Variants in PATL2 observed in about 807,000 individuals in gnomAD.
The protein encoded by PATL2 is protein PAT1 homolog 2.
PATL2 carries 73 observed loss-of-function variants against 77.0 expected under a neutral mutation model. The observed-to-expected ratio is 0.95, with a 90% confidence interval of 0.78 to 1.15. The LOEUF (loss-of-function observed/expected upper bound fraction) is 1.15, where lower values mean the gene tolerates loss of function less well. Among genes scored for constraint, PATL2 ranks in the 50% most tolerant of loss-of-function variants. PATL2 has a pLI of 0.00. For synonymous variants in PATL2, 265 were observed against 257.1 expected, an observed-to-expected ratio of 1.03 and a Z score of -0.29; for missense variants, 618 against 655.4, an observed-to-expected ratio of 0.94 and a Z score of 0.62.
intron 4 of PATL2, chr15:44,676,132 C>T: frequency 2.5e-6 from 1 of 397,340 alleles, no homozygotes; most frequent in South Asian, 2.6e-5. Flanking sequence ...TCCATCTGCT[C>T]TGCCCCACCC....
rs2085524963 is a variant in PATL2 at position 44,669,022 on chromosome 15, G to A, written c.1182C>T (p.Thr394=). The change falls in exon 14 of 18, where the codon ACC becomes ACT. Residue 394 remains threonine (T), a synonymous_variant. Transcript: ENST00000682850. ...TCCGGACCAGGAGGGGCAGATGGTG[G>A]GTGATAGCCAAAAGAATGGTAACAG... is the stretch of plus-strand genomic sequence containing the variant. ...DQAVTILLAI[T]HHLPLLVRRD... The A allele has an allele frequency of 1.3e-6, 2 of 1,551,004 alleles. No homozygotes were observed. Among genetic ancestry groups the A allele is most frequent in the African/African-American group, 2.7e-5 (2 of 73,152 alleles).
At chr15:44,683,641 G>T (rs927248709) in intron 3 of PATL2, among the ~76,000 whole-genome samples, 10 of 152,202 alleles carry the variant, frequency 6.6e-5, no homozygotes, top group Admixed American at 5.9e-4. Flanking sequence ...CAGAGCACCT[G>T]GTAGAAGGGG....
chr15:44,671,949 C>A, intron 9 of PATL2, 66 bp downstream of exon 9: 2 of 1,521,364 alleles, frequency 1.3e-6, no homozygotes, highest in Non-Finnish European at 1.8e-6. Context: ...AGGATCAGAG[C>A]GGGCCCGGGA....
intron 3 of PATL2, 95 bp from the exon 4 acceptor site, chr15:44,676,660 T>C: frequency 7.7e-7 from 1 of 1,295,560 alleles, no homozygotes; most frequent in South Asian, 1.4e-5. Flanking sequence ...GCAAGATGGT[T>C]AGAGAATTCT....
chr15:44,676,404 T>C (rs2085956272), intron 4 of PATL2, 71 bp downstream of exon 4: 2 of 1,312,122 alleles, frequency 1.5e-6, no homozygotes, highest in South Asian at 1.3e-5. Flanking sequence ...TCCAATCCCA[T>C]ATGTGAAACA....
At chr15:44,679,782 C>A (rs1366859255) in intron 3 of PATL2, among the ~76,000 whole-genome samples, 1 of 152,092 alleles carries the variant, frequency 6.6e-6, no homozygotes, top group Non-Finnish European at 1.5e-5. Context: ...TTTTAAAGAA[C>A]CATGTATGTC....
chr15:44,707,246 C>A (rs554404007), intron 3 of PATL2, among the ~76,000 whole-genome samples: 12 of 152,090 alleles, frequency 7.9e-5, no homozygotes, highest in Middle Eastern at 3.4e-3. Context: ...GTATTCTAAC[C>A]CCACAGTGGC....
chr15:44,702,934 GAGA>G (rs1202843826), intron 3 of PATL2, among the ~76,000 whole-genome samples: 5 of 152,040 alleles, frequency 3.3e-5, no homozygotes, highest in African/African-American at 1.2e-4. Context: ...ATGTGCTGAG[GAGA>G]AGAATGGGTA....
intron 9 of PATL2, 87 bp from the exon 10 acceptor site, chr15:44,670,174 T>A: frequency 6.8e-7 from 1 of 1,471,126 alleles, no homozygotes; most frequent in Non-Finnish European, 9.1e-7. Flanking sequence ...AAGTGCAGCC[T>A]CTTAAGTTTA....
rs1242220635 is a variant in PATL2 at position 44,685,004 on chromosome 15, A to G, written c.-75-8439T>C. Among the ~76,000 whole-genome samples the G allele has an allele frequency of 3.9e-5, 6 of 152,360 alleles. No individual in the cohort carries two copies. In the South Asian group the frequency reaches 6.2e-4, roughly 16 times the overall value. ...TTCATATCCAGCCAAACTAAGCTTC[A>G]TAAGTGAAGGAGAAATAAAATCCTT... On this transcript the variant is annotated intron_variant, in intron 3 of 17. Transcript: ENST00000682850.
rs1305561412 is a variant in PATL2 at position 44,675,524 on chromosome 15, C to G, written c.184G>C (p.Gly62Arg). The G allele has an allele frequency of 6.4e-7, 1 of 1,551,816 alleles. No individual in the cohort carries two copies. Among genetic ancestry groups the G allele is most frequent in the Admixed American group, 2.0e-5 (1 of 50,982 alleles). Reference protein sequence around the residue: ...PDLEEEENDLGDPAVLGAVHN... With the variant: ...PDLEEEENDLRDPAVLGAVHN... ...ACAGCACCAAGTACAGCTGGATCCC[C>G]AAGATCATTCTCTTCCTCCTCTAGG... is the stretch of plus-strand genomic sequence containing the variant. The change falls in exon 5 of 18, where the codon GGG becomes CGG. Residue 62 changes from glycine (G) to arginine (R), a missense_variant. By Grantham distance (125) the Gly-to-Arg change is moderately radical. Coordinates refer to ENST00000682850, the MANE Select transcript of PATL2 (RefSeq NM_001387263.1).
chr15:44,681,107 T>C (rs78048496), intron 3 of PATL2, among the ~76,000 whole-genome samples: 1,877 of 152,258 alleles, frequency 0.012, 50 homozygotes, highest in East Asian at 0.089. Flanking sequence ...TATAGCTCAC[T>C]GCAAACTTGA....
chr15:44,690,502 CT>C (rs60470113), intron 3 of PATL2, among the ~76,000 whole-genome samples: 410 of 132,662 alleles, frequency 3.1e-3, no homozygotes, highest in Admixed American at 3.1e-3. Flanking sequence ...CCATGCCTGG[CT>C]TTTTTTTTTT....
At chr15:44,689,096 C>T (rs1315116731) in intron 3 of PATL2, among the ~76,000 whole-genome samples, 1 of 152,080 alleles carries the variant, frequency 6.6e-6, no homozygotes, top group Non-Finnish European at 1.5e-5. Flanking sequence ...ATGCAGCCAA[C>T]AAACATATGA....
chr15:44,707,714 C>T (rs994246766), intron 3 of PATL2, among the ~76,000 whole-genome samples: 1 of 152,202 alleles, frequency 6.6e-6, no homozygotes, highest in Non-Finnish European at 1.5e-5. Context: ...GTGGTGCAAG[C>T]AATCCCTTGG....
In PATL2 at chr15:44,668,381, G is replaced by A. The variant is rs1201489300; in HGVS notation, c.1326C>T (p.Gly442=). 2 of 1,551,230 alleles carry A rather than the reference G, an allele frequency of 1.3e-6. No individual in the cohort carries two copies. The highest frequency in any genetic ancestry group is 1.2e-5 in the South Asian group (1 of 84,034). ...GLQGLTLLPP[G]SSERPVTVVL... ...CCACGGTGACTGGCCGCTCTGAGGA[G>A]CCAGGTGGCAACAGCGTTAATCCCT... Residue 442 remains glycine (G), a synonymous_variant, in exon 15 of 18, where the codon GGC becomes GGT. Transcript: ENST00000682850.
intron 3 of PATL2, among the ~76,000 whole-genome samples, chr15:44,707,080 C>T (rs1028487805): frequency 1.8e-4 from 28 of 152,170 alleles, no homozygotes; most frequent in African/African-American, 6.3e-4. Context: ...CTGATGTATA[C>T]TCAAGGCCCA....
intron 11 of PATL2, 87 bp downstream of exon 11, chr15:44,669,687 CCTT>C (rs2085567026): frequency 1.3e-6 from 2 of 1,511,008 alleles, no homozygotes; most frequent in East Asian, 4.9e-5. Context: ...ACTTCTTCCT[CCTT>C]CTTCGGTCAC....
intron 3 of PATL2, among the ~76,000 whole-genome samples, chr15:44,701,784 G>T (rs1390375656): frequency 1.3e-5 from 2 of 151,774 alleles, no homozygotes; most frequent in African/African-American, 4.9e-5. Context: ...TGGTTCTGTA[G>T]GCTGTACAAA....
Sources: gnomAD v4.1 joint callset for allele counts (sites outside exome capture counted in the v4.1 genomes callset) on GRCh38, gnomAD v4.1.1 for gene constraint, MANE v1.5 for transcripts, NCBI Gene and HGNC (gene_info 2026-07-23, HGNC 2026-07-21) for gene names.